Variants in DCHS2 observed in about 807,000 individuals in gnomAD.
The protein encoded by DCHS2 is protocadherin-23.
DCHS2 carries 142 observed loss-of-function variants against 182.4 expected under a neutral mutation model. That is an observed-to-expected ratio of 0.78 (90% CI 0.68 to 0.89). The LOEUF is 0.89. Ranked by LOEUF, DCHS2 falls within the 40% of genes least tolerant of loss-of-function variation. The pLI, the probability that DCHS2 is intolerant of heterozygous loss-of-function variation, is 0.00. For synonymous variants in DCHS2, 1,740 were observed against 1,663.3 expected (o/e 1.05, Z -1.12); for missense variants, 4,319 against 4,198.6 (o/e 1.03, Z -0.79).
intron 1 of DCHS2, among the ~76,000 whole-genome samples, chr4:154,387,204 T>A (rs1435945754): frequency 6.6e-6 from 1 of 152,220 alleles, no homozygotes; most frequent in Non-Finnish European, 1.5e-5. Flanking sequence ...CGAATTCTAC[T>A]ACTTAATTAT....
chr4:154,371,920 C>T (rs550576897), intron 2 of DCHS2, among the ~76,000 whole-genome samples: 5 of 152,270 alleles, frequency 3.3e-5, no homozygotes, highest in South Asian at 4.1e-4. Flanking sequence ...AAGGCCCTAC[C>T]TCCAACGCTG....
intron 3 of DCHS2, among the ~76,000 whole-genome samples, chr4:154,347,264 A>G (rs1176726145): frequency 6.7e-6 from 1 of 149,384 alleles, no homozygotes; most frequent in Non-Finnish European, 1.5e-5. Context: ...GGCATCCTAG[A>G]TATTTTCCAT....
intron 1 of DCHS2, among the ~76,000 whole-genome samples, chr4:154,428,757 G>A (rs1733436640): frequency 1.3e-5 from 2 of 151,942 alleles, no homozygotes; most frequent in African/African-American, 2.4e-5. Context: ...AAAAAAAATA[G>A]CCAGGCATGG....
Position 154,248,861 on chromosome 4 carries a change from A to G in DCHS2, c.6942-6089T>C, listed in dbSNP as rs115928936. On this transcript the variant is annotated intron_variant, in intron 16 of 19. Transcript: ENST00000357232. ...AAGCACTCCCTATTCAATAAATGGT[A>G]CTGGGATAACTGGCTAACCAGATGC... is the stretch of plus-strand genomic sequence containing the variant. 6.8e-3 allele frequency among the ~76,000 whole-genome samples: 1,032 copies of G among 152,260 alleles called. 11 individuals carry two copies. The highest frequency in any genetic ancestry group is 0.024 in the African/African-American group (997 of 41,568).
intron 3 of DCHS2, among the ~76,000 whole-genome samples, chr4:154,363,424 C>T (rs765015285): frequency 6.6e-6 from 1 of 152,048 alleles, no homozygotes; most frequent in Non-Finnish European, 1.5e-5. Flanking sequence ...AATGGATGAA[C>T]CTCAAGAACA....
chr4:154,439,858 A>G (rs1032335), intron 1 of DCHS2, among the ~76,000 whole-genome samples: 69,918 of 152,042 alleles, frequency 0.46, 16,580 homozygotes, highest in Middle Eastern at 0.69. Flanking sequence ...ATGCTCTACG[A>G]AAATAGCTAG....
chr4:154,331,824 T>A, intron 5 of DCHS2: 2 of 1,176,336 alleles, frequency 1.7e-6, no homozygotes, highest in Non-Finnish European at 1.1e-6. Context: ...AGTATAGATA[T>A]GTTTCATTGT....
At chr4:154,391,430 A>G in intron 1 of DCHS2, 1 of 1,294,390 alleles carries the variant, frequency 7.7e-7, no homozygotes, top group Non-Finnish European at 1.0e-6. Context: ...AAGCGTTCAA[A>G]ACTAAAAATA....
At position 154,236,949 on chromosome 4, in the gene DCHS2, A is replaced by G. The variant is rs756427602; in HGVS notation, c.7703T>C (p.Leu2568Pro). ...ATGGTCGATGTTTGAAAATGTAACA[A>G]GCGTGCTTCCAACCAGAGCATCCTC... ...LSEDALVGST[L>P]VTFSNIDHDW... Residue 2568 changes from leucine (L) to proline (P), a missense_variant, in exon 20 of 20, where the codon CTT becomes CCT. Coordinates refer to ENST00000357232, the MANE Select transcript of DCHS2 (RefSeq NM_001358235.2). 2.7e-5 allele frequency: 43 copies of G among 1,613,966 alleles called. No homozygotes were observed. Among genetic ancestry groups the G allele is most frequent in the Non-Finnish European group, 3.4e-5 (40 of 1,179,958 alleles).
At position 154,489,416 on chromosome 4, in the gene DCHS2, C is replaced by G; in HGVS notation, c.1940G>C (p.Cys647Ser). Reference protein sequence around the residue: ...DLGEPPLSATCLVSITVDDVN... With the variant: ...DLGEPPLSATSLVSITVDDVN... Reference sequence around the variant, plus strand: ...ATCATCTACGGTGATGCTCACCAGGCAGGTGGCAGAGAGTGGGGGCTCTCC... The same window carrying G: ...ATCATCTACGGTGATGCTCACCAGGGAGGTGGCAGAGAGTGGGGGCTCTCC... Residue 647 changes from cysteine to serine, a missense_variant, in exon 1 of 20, where the codon TGC becomes TCC. Transcript: ENST00000357232. 1 of 1,551,752 alleles carries G rather than the reference C, an allele frequency of 6.4e-7. No homozygotes were observed. The highest frequency in any genetic ancestry group is 2.0e-5 in the Admixed American group (1 of 51,014).
Position 154,396,819 on chromosome 4 carries a change from C to G in DCHS2, c.2053-19375G>C, listed in dbSNP as rs193232097. ...AGGCCCAATGCAATTTTTACCACTCCCAAAACTCTTCCCAGATGCCCGCAG... is the reference window on the plus strand; with the variant it reads ...AGGCCCAATGCAATTTTTACCACTCGCAAAACTCTTCCCAGATGCCCGCAG... On this transcript the variant is annotated intron_variant, in intron 1 of 19. Transcript: ENST00000357232. 1.5e-3 allele frequency among the ~76,000 whole-genome samples: 223 copies of G among 152,252 alleles called. 1 individual carries two copies. Among genetic ancestry groups the G allele is most frequent in the Non-Finnish European group, 2.7e-3 (182 of 68,006 alleles).
chr4:154,490,536 G>A lies in DCHS2; in HGVS notation c.820C>T (p.Pro274Ser). The A allele has an allele frequency of 1.3e-6, 2 of 1,538,884 alleles. No individual in the cohort carries two copies. The highest frequency in any genetic ancestry group is 2.4e-5 in the South Asian group (2 of 83,944). Reference sequence around the variant, plus strand: ...ACGCTCAGGAGGCCGGTGCGCCGGGGTCGGCCGCCGTCCCATGCCTCGATC... The same window carrying A: ...ACGCTCAGGAGGCCGGTGCGCCGGGATCGGCCGCCGTCCCATGCCTCGATC... ...LQIEAWDGGR[P>S]RRTGLLSVEL... is the part of the protein sequence containing the mutation. Residue 274 changes from proline to serine, a missense_variant, in exon 1 of 20, where the codon CCC becomes TCC. Transcript: ENST00000357232.
chr4:154,403,109 T>C (rs1238186700), intron 1 of DCHS2, among the ~76,000 whole-genome samples: 1 of 152,196 alleles, frequency 6.6e-6, no homozygotes, highest in Non-Finnish European at 1.5e-5. Context: ...CATCTGTGAC[T>C]AAAGATTATT....
chr4:154,417,557 GT>G (rs1447311763), intron 1 of DCHS2, among the ~76,000 whole-genome samples: 1 of 152,126 alleles, frequency 6.6e-6, no homozygotes, highest in Non-Finnish European at 1.5e-5. Flanking sequence ...AATCTGAGCT[GT>G]TTCAGAAATC....
At chr4:154,462,492 A>G (rs1173670255) in intron 1 of DCHS2, among the ~76,000 whole-genome samples, 1 of 152,222 alleles carries the variant, frequency 6.6e-6, no homozygotes, top group Non-Finnish European at 1.5e-5. Context: ...AGGGTCTGAA[A>G]AATAGTTGTG....
intron 1 of DCHS2, among the ~76,000 whole-genome samples, chr4:154,415,545 A>C (rs2110901278): frequency 6.6e-6 from 1 of 152,334 alleles, no homozygotes; most frequent in East Asian, 1.9e-4. Flanking sequence ...AAGCAACCAG[A>C]GGCAGTCTGA....
intron 3 of DCHS2, among the ~76,000 whole-genome samples, chr4:154,343,190 G>A (rs541478380): frequency 9.2e-5 from 14 of 152,248 alleles, no homozygotes; most frequent in African/African-American, 3.4e-4. Flanking sequence ...GATAACATCT[G>A]TTTGTCATCC....
chr4:154,329,308 C>A (rs1479401674), intron 6 of DCHS2, among the ~76,000 whole-genome samples: 2 of 152,184 alleles, frequency 1.3e-5, no homozygotes, highest in Non-Finnish European at 2.9e-5. Context: ...TGTTATAAAG[C>A]AACTGGAGGT....
intron 1 of DCHS2, among the ~76,000 whole-genome samples, chr4:154,473,444 G>A (rs1486045839): frequency 6.6e-6 from 1 of 152,236 alleles, no homozygotes; most frequent in Non-Finnish European, 1.5e-5. Context: ...TAAGAGGAAG[G>A]GAGAGCTAAT....
Sources: gnomAD v4.1 joint callset for allele counts (sites outside exome capture counted in the v4.1 genomes callset) on GRCh38, gnomAD v4.1.1 for gene constraint, MANE v1.5 for transcripts, NCBI Gene and HGNC (gene_info 2026-07-23, HGNC 2026-07-21) for gene names.